SDK1: variants seen among roughly 807,000 people sequenced by gnomAD.
SDK1 encodes the protein protein sidekick-1.
A neutral mutation model predicts 245.5 loss-of-function variants in SDK1; 157 were observed. That is an observed-to-expected ratio of 0.64 (90% confidence interval 0.56 to 0.73). The LOEUF (loss-of-function observed/expected upper bound fraction) is 0.73, where lower values mean the gene tolerates loss of function less well. Ranked by LOEUF, SDK1 falls within the 30% of genes least tolerant of loss-of-function variation. The pLI, the probability that SDK1 is intolerant of heterozygous loss-of-function variation, is 0.00. For synonymous variants in SDK1, 1,647 were observed against 1,278.5 expected (o/e 1.29, Z -6.15); for missense variants, 3,583 against 3,002.3 (o/e 1.19, Z -4.52).
chr7:4,173,418 G>A (rs558820047), intron 32 of SDK1, among the ~76,000 whole-genome samples: 7 of 152,280 alleles, frequency 4.6e-5, no homozygotes, highest in East Asian at 3.9e-4. Flanking sequence ...CAAGCCTTGC[G>A]CTGGGTCTCG....
chr7:4,184,174 C>T (rs1782750392), intron 35 of SDK1, among the ~76,000 whole-genome samples: 1 of 152,194 alleles, frequency 6.6e-6, no homozygotes, highest in Admixed American at 6.5e-5. Context: ...TTAAATTGGG[C>T]CAGCTTCCGT....
intron 35 of SDK1, among the ~76,000 whole-genome samples, chr7:4,191,945 C>T (rs181705572): frequency 8.5e-5 from 13 of 152,314 alleles, no homozygotes; most frequent in African/African-American, 2.6e-4. Context: ...AGGGCTTTGA[C>T]GGCAGTTTCC....
At chr7:3,628,186 G>A (rs998653085) in intron 2 of SDK1, among the ~76,000 whole-genome samples, 7 of 152,136 alleles carry the variant, frequency 4.6e-5, no homozygotes, top group Non-Finnish European at 8.8e-5. Flanking sequence ...CAATTGGTGA[G>A]GCCTGTGTAT....
chr7:4,162,769 C>G (rs1249509488), intron 32 of SDK1, among the ~76,000 whole-genome samples: 1 of 152,234 alleles, frequency 6.6e-6, no homozygotes, highest in Non-Finnish European at 1.5e-5. Context: ...TAATCACACA[C>G]TCCTTGTTGG....
intron 22 of SDK1, among the ~76,000 whole-genome samples, chr7:4,094,385 TGGATTGCCCTGGAATTCCGGGGTG>T (rs1200823763): frequency 6.6e-6 from 1 of 152,138 alleles, no homozygotes; most frequent in Non-Finnish European, 1.5e-5. Flanking sequence ...GAAAGCCAAA[TGGATTGCCCTGGAATTCCGGGGTG>T]GGATTGCCCT....
chr7:3,806,494 G>A (rs534494209), intron 4 of SDK1, among the ~76,000 whole-genome samples: 4 of 152,334 alleles, frequency 2.6e-5, no homozygotes, highest in African/African-American at 9.6e-5. Flanking sequence ...ACCCTTCCCT[G>A]CCTTCTCCAC....
Position 4,067,842 on chromosome 7 carries a change from A to C in SDK1, c.2916A>C (p.Pro972=). 1 of 1,611,914 alleles carries C rather than the reference A, an allele frequency of 6.2e-7. No homozygotes were observed. The highest frequency in any genetic ancestry group is 8.5e-7 in the Non-Finnish European group (1 of 1,178,858). Residue 972 remains proline (P), a synonymous_variant, in exon 20 of 45, where the codon CCA becomes CCC. Transcript: ENST00000404826. ...GACTTTGCTTTTAATTGGTAGAACC[A>C]GGAGCTGTGGGACATCTGAGTTTCA... ...PQLVWTQEDK[P]GAVGHLSFTE...
chr7:3,388,082 A>G (rs1781654703), intron 1 of SDK1, among the ~76,000 whole-genome samples: 1 of 152,230 alleles, frequency 6.6e-6, no homozygotes, highest in African/African-American at 2.4e-5. Context: ...CACTCTGGGA[A>G]TCTGGAGACT....
intron 5 of SDK1, among the ~76,000 whole-genome samples, chr7:3,831,985 A>C (rs1385126427): frequency 2.0e-5 from 3 of 152,134 alleles, no homozygotes; most frequent in Non-Finnish European, 4.4e-5. Flanking sequence ...AGGGAGGTCA[A>C]GGCTGCAGTG....
At position 3,971,498 on chromosome 7, in the gene SDK1, C is replaced by G. The variant is rs751744699; in HGVS notation, c.1747C>G (p.His583Asp). ...GTCCATCGTCCACCCTCCTGAGGAC[C>G]ACGTGGTGATTAAGGGGACCACGGC... Reference protein sequence around the residue: ...RTSIVHPPEDHVVIKGTTATL... With the variant: ...RTSIVHPPEDDVVIKGTTATL... Residue 583 changes from histidine to aspartate, a missense_variant, in exon 12 of 45, where the codon CAC (histidine) becomes GAC (aspartate). By Grantham distance (81) the His-to-Asp change is moderately conservative. Coordinates refer to ENST00000404826, the MANE Select transcript of SDK1 (RefSeq NM_152744.4). The G allele has an allele frequency of 1.1e-5, 18 of 1,613,478 alleles. No individual in the cohort carries two copies. Among genetic ancestry groups the G allele is most frequent in the Non-Finnish European group, 1.4e-5 (16 of 1,179,718 alleles).
intron 30 of SDK1, among the ~76,000 whole-genome samples, chr7:4,152,190 C>T (rs1480268768): frequency 6.6e-6 from 1 of 152,204 alleles, no homozygotes; most frequent in African/African-American, 2.4e-5. Context: ...ATAAGGCAAT[C>T]GGAAGAGTCA....
chr7:3,523,711 A>T (rs1389931288), intron 1 of SDK1, among the ~76,000 whole-genome samples: 1 of 152,128 alleles, frequency 6.6e-6, no homozygotes, highest in Non-Finnish European at 1.5e-5. Context: ...CACAAGAAAA[A>T]CTTGTAACTG....
At chr7:3,752,102 G>A (rs1264323734) in intron 4 of SDK1, among the ~76,000 whole-genome samples, 2 of 152,162 alleles carry the variant, frequency 1.3e-5, no homozygotes, top group Non-Finnish European at 2.9e-5. Flanking sequence ...CTAAGTTACT[G>A]CCTGTATTAT....
intron 1 of SDK1, among the ~76,000 whole-genome samples, chr7:3,584,806 C>T (rs1256610503): frequency 1.3e-5 from 2 of 151,586 alleles, no homozygotes; most frequent in East Asian, 1.9e-4. Context: ...TCACTTCAAG[C>T]TCCGCCTCCC....
Position 4,266,575 on chromosome 7 carries a change from T to C in SDK1, c.*1191T>C, listed in dbSNP as rs534104034. The C allele has an allele frequency of 3.1e-4, 259 of 848,834 alleles. 2 individuals carry two copies. In the African/African-American group the frequency reaches 0.012, roughly 39 times the overall value. The allele number at this position is 848,834 out of a possible 1,614,324, so 52.6% of individuals were successfully genotyped here. On this transcript the variant is annotated 3_prime_UTR_variant, in exon 45 of 45. Transcript: ENST00000404826. ...TAACAGGTTTTTTGGAAATGTTTCT[T>C]TTTTTTATTTAAAATTGTCATTGTT... is the stretch of plus-strand genomic sequence containing the variant.
At chr7:3,706,242 T>C (rs376096782) in intron 4 of SDK1, among the ~76,000 whole-genome samples, 14 of 152,310 alleles carry the variant, frequency 9.2e-5, no homozygotes, top group South Asian at 4.1e-4. Flanking sequence ...GTTGCTGTTA[T>C]GTCTTTCCTG....
chr7:3,528,036 G>A (rs1347497391), intron 1 of SDK1, among the ~76,000 whole-genome samples: 1 of 148,050 alleles, frequency 6.8e-6, no homozygotes, highest in African/African-American at 2.5e-5. Flanking sequence ...TTGGATGATA[G>A]TCAGCTAGGG....
chr7:4,199,591 C>A (rs1470468181), intron 35 of SDK1, among the ~76,000 whole-genome samples: 1 of 152,188 alleles, frequency 6.6e-6, no homozygotes, highest in Non-Finnish European at 1.5e-5. Context: ...CCTATGGAAA[C>A]AACTGCTTTT....
At chr7:4,246,155 G>C (rs1786844019) in intron 44 of SDK1, among the ~76,000 whole-genome samples, 1 of 152,174 alleles carries the variant, frequency 6.6e-6, no homozygotes, top group African/African-American at 2.4e-5. Flanking sequence ...GGAAGCGCAG[G>C]TTCCGACTCC....
Sources: gnomAD v4.1 joint callset for allele counts (sites outside exome capture counted in the v4.1 genomes callset) on GRCh38, gnomAD v4.1.1 for gene constraint, MANE v1.5 for transcripts, NCBI Gene and HGNC (gene_info 2026-07-23, HGNC 2026-07-21) for gene names.